Variants in TNC observed in about 807,000 individuals in gnomAD.
TNC encodes tenascin.
In TNC, 109 loss-of-function variants were observed where a neutral mutation model predicts 202.4. That is an observed-to-expected ratio of 0.54 (90% CI 0.46 to 0.63). The LOEUF (loss-of-function observed/expected upper bound fraction) is 0.63, where lower values mean the gene tolerates loss of function less well. Among genes scored for constraint, TNC ranks in the 30% least tolerant of loss-of-function variants. The probability of loss-of-function intolerance (pLI) is 0.00; values close to 1 mark genes in which losing one functional copy is unlikely to be tolerated. For missense variants in TNC, 2,756 were observed against 2,833.3 expected (o/e 0.97, Z 0.62); for synonymous variants, 1,007 against 1,089.7 (o/e 0.92, Z 1.50).
At chr9:115,045,885 T>A (rs992672483) in intron 17 of TNC, among the ~76,000 whole-genome samples, 1 of 152,122 alleles carries the variant, frequency 6.6e-6, no homozygotes, top group African/African-American at 2.4e-5. Context: ...ATTATTCACA[T>A]GTAGCATTTT....
chr9:115,084,580 C>T (rs892679542), intron 3 of TNC, 108 bp from the exon 4 acceptor site: 132 of 1,325,972 alleles, frequency 1.0e-4, no homozygotes, highest in Non-Finnish European at 1.2e-4. Flanking sequence ...GTCTGAAGAT[C>T]TTCTGTTGCC....
chr9:115,057,085 G>T, intron 15 of TNC, 68 bp downstream of exon 15: 2 of 1,527,516 alleles, frequency 1.3e-6, no homozygotes, highest in Middle Eastern at 2.2e-4. Context: ...GAGAGGAGAA[G>T]GAGAGGCTTC....
chr9:115,083,693 C>T (rs548282663), intron 4 of TNC, among the ~76,000 whole-genome samples: 1 of 151,430 alleles, frequency 6.6e-6, no homozygotes, highest in African/African-American at 2.4e-5. Context: ...ACAAACTCTG[C>T]CTCCTGGTTT....
At chr9:115,094,217 A>G (rs1835444498) in intron 1 of TNC, among the ~76,000 whole-genome samples, 1 of 152,162 alleles carries the variant, frequency 6.6e-6, no homozygotes, top group South Asian at 2.1e-4. Context: ...CTCCTGGGGA[A>G]CAAAACCTAA....
chr9:115,082,067 T>C (rs1277960053), intron 5 of TNC, 139 bp from the exon 6 acceptor site: 27 of 756,570 alleles, frequency 3.6e-5, no homozygotes, highest in Non-Finnish European at 5.5e-5. Context: ...ATCAGATCAG[T>C]ATGTAAGCTA....
rs200958869 is a variant in TNC, at chr9:115,090,676, C to A, written c.343G>T (p.Ala115Ser). ...AGCAGCTCCTTAACATCAGGGGCTG[C>A]GGCACAGCCACAGGCCCGGCGGGGG... ...NIPRRACGCAAAPDVKELLSR... is the reference protein window; with the variant it reads ...NIPRRACGCASAPDVKELLSR... Residue 115 changes from alanine (A) to serine (S), a missense_variant, in exon 2 of 28, where the codon GCA becomes TCA. Ala to Ser is a moderately conservative substitution (Grantham distance 99). Coordinates refer to ENST00000350763, the MANE Select transcript of TNC (RefSeq NM_002160.4). 1.9e-6 allele frequency: 3 copies of A among 1,614,080 alleles called. No individual in the cohort carries two copies. The highest frequency in any genetic ancestry group is 2.5e-6 in the Non-Finnish European group (3 of 1,179,938).
rs150956566 is a variant in TNC, at chr9:115,062,988, G to A, written c.3962C>T (p.Pro1321Leu). The A allele has an allele frequency of 2.9e-5, 46 of 1,613,994 alleles. No homozygotes were observed. The highest frequency in any genetic ancestry group is 3.6e-5 in the Non-Finnish European group (43 of 1,180,016). The change falls in exon 13 of 28, where the codon CCT becomes CTT. Residue 1321 changes from proline to leucine, a missense_variant. Coordinates refer to ENST00000350763, the MANE Select transcript of TNC (RefSeq NM_002160.4). ...CTCGCCGTGCAGGGTGACTGTGTAA[G>A]GAGTGCCAGCCCTGAGGCCTGGGAT... ...MEIPGLRAGTPYTVTLHGEVR... is the reference protein window; with the variant it reads ...MEIPGLRAGTLYTVTLHGEVR...
At chr9:115,102,318 C>A (rs1836296804) in intron 1 of TNC, among the ~76,000 whole-genome samples, 1 of 152,208 alleles carries the variant, frequency 6.6e-6, no homozygotes, top group Non-Finnish European at 1.5e-5. Context: ...AAGCAGAATA[C>A]TATCAATCCT....
intron 9 of TNC, among the ~76,000 whole-genome samples, chr9:115,075,276 G>A (rs1291778642): frequency 1.3e-5 from 2 of 152,144 alleles, no homozygotes; most frequent in Non-Finnish European, 2.9e-5. Flanking sequence ...CCTACAAGCT[G>A]CGGCTACAGG....
intron 1 of TNC, among the ~76,000 whole-genome samples, chr9:115,111,399 C>CTTTTTTTTTTTTTTTTTTTTTTT (rs71375272): frequency 1.4e-5 from 1 of 71,342 alleles, no homozygotes; most frequent in Non-Finnish European, 2.4e-5. Flanking sequence ...CTCTCTCTCT[C>CTTTTTTTTTTTTTTTTTTTTTTT]TTTTTTTTTT....
intron 27 of TNC, 130 bp from the exon 28 acceptor site, chr9:115,021,397 C>T: frequency 1.5e-6 from 1 of 647,998 alleles, no homozygotes; most frequent in Admixed American, 2.9e-5. Flanking sequence ...TCAATTTGAC[C>T]ATTTGGTATA....
chr9:115,031,775 C>A, intron 22 of TNC, 90 bp from the exon 23 acceptor site: 1 of 1,500,112 alleles, frequency 6.7e-7, no homozygotes, highest in Non-Finnish European at 9.0e-7. Flanking sequence ...AGTTCATTTA[C>A]CCATCCATTC....
intron 20 of TNC, 57 bp from the exon 21 acceptor site, chr9:115,036,298 G>A (rs770191781): frequency 1.1e-5 from 18 of 1,593,162 alleles, no homozygotes; most frequent in Middle Eastern, 3.5e-4. Context: ...AGCCATGAGT[G>A]GGCTTGGCAA....
At chr9:115,079,942 A>G (rs1482725284) in intron 6 of TNC, among the ~76,000 whole-genome samples, 1 of 152,220 alleles carries the variant, frequency 6.6e-6, no homozygotes, top group Admixed American at 6.5e-5. Flanking sequence ...AAAAAAGGTT[A>G]AAGGTTTAAA....
intron 10 of TNC, among the ~76,000 whole-genome samples, chr9:115,071,155 T>G (rs1437885189): frequency 6.6e-6 from 1 of 152,222 alleles, no homozygotes; most frequent in Non-Finnish European, 1.5e-5. Context: ...TGATAGTATT[T>G]TATTGACTGA....
At chr9:115,062,186 C>T (rs1047317749) in intron 13 of TNC, among the ~76,000 whole-genome samples, 23 of 152,156 alleles carry the variant, frequency 1.5e-4, no homozygotes, top group East Asian at 3.8e-4. Context: ...GTATTTACTA[C>T]GTGATGGGCG....
chr9:115,095,483 T>TCTCC (rs1835594597), intron 1 of TNC, among the ~76,000 whole-genome samples: 1 of 22,438 alleles, frequency 4.5e-5, no homozygotes, highest in African/African-American at 1.4e-4. Flanking sequence ...TATATATGTA[T>TCTCC]ATATATATGT....
At chr9:115,072,535 T>A (rs1833540164) in intron 10 of TNC, among the ~76,000 whole-genome samples, 1 of 152,256 alleles carries the variant, frequency 6.6e-6, no homozygotes, top group African/African-American at 2.4e-5. Flanking sequence ...TTTTCTTGCA[T>A]ATCAAGCTTC....
In TNC at chr9:115,101,108, C is replaced by T. The variant is rs371515397; in HGVS notation, c.-136-9954G>A. 2.6e-4 allele frequency among the ~76,000 whole-genome samples: 39 copies of T among 152,260 alleles called. No homozygotes were observed. In the East Asian group the frequency reaches 3.5e-3, roughly 14 times the overall value. Reference sequence around the variant, plus strand: ...CAACTATCTACTTTTTCAGTACATACGTGCCAAGCCCTGAGTTAAGTATAA... The same window carrying T: ...CAACTATCTACTTTTTCAGTACATATGTGCCAAGCCCTGAGTTAAGTATAA... On this transcript the variant is annotated intron_variant, in intron 1 of 27. Transcript: ENST00000350763.
Sources: allele counts gnomAD v4.1 joint callset (sites outside exome capture counted in the v4.1 genomes callset), GRCh38; gene constraint gnomAD v4.1.1; transcripts MANE v1.5; gene names NCBI Gene and HGNC (gene_info 2026-07-23, HGNC 2026-07-21).